Variants in KIAA1328 observed in about 807,000 individuals in gnomAD.
KIAA1328 encodes the protein KIAA1328.
Under a neutral mutation model 68.1 loss-of-function variants are expected in KIAA1328, and 52 were observed. The ratio of observed to expected loss-of-function variants is 0.76; its 90% CI spans 0.61 to 0.96. The LOEUF (loss-of-function observed/expected upper bound fraction) is 0.96, where lower values mean the gene tolerates loss of function less well. Among genes scored for constraint, KIAA1328 ranks in the 40% least tolerant of loss-of-function variants. The pLI is 0.00. For missense variants in KIAA1328, 641 were observed against 677.6 expected, an observed-to-expected ratio of 0.95 and a Z score of 0.60; for synonymous variants, 232 against 239.4, an observed-to-expected ratio of 0.97 and a Z score of 0.28.
At chr18:36,931,839 T>TA (rs201256754) in intron 5 of KIAA1328, among the ~76,000 whole-genome samples, 24,540 of 151,832 alleles carry the variant, frequency 0.16, 2,246 homozygotes, top group African/African-American at 0.22. Context: ...TTCATTTTTT[T>TA]AATTTTTAGT....
intron 7 of KIAA1328, among the ~76,000 whole-genome samples, chr18:37,079,468 C>T (rs1471654565): frequency 6.7e-6 from 1 of 148,684 alleles, no homozygotes; most frequent in African/African-American, 2.5e-5. Context: ...TACCCTAAAA[C>T]TTAAAGTATA....
chr18:37,205,363 C>A lies in KIAA1328; in HGVS notation c.1524-16654C>A, dbSNP rs185215018. ...GAAGAGTAAAGTCTGCTCCTAGATT[C>A]TCTGGGGCTGTCTCTAAGCTAATAA... is the stretch of plus-strand genomic sequence containing the variant. On this transcript the variant is annotated intron_variant, in intron 9 of 9. Coordinates refer to ENST00000280020, the MANE Select transcript of KIAA1328 (RefSeq NM_020776.3). Among the ~76,000 whole-genome samples the A allele has an allele frequency of 7.2e-5, 11 of 152,284 alleles. No homozygotes were observed. The East Asian group carries it at 1.2e-3, about 16-fold the overall frequency.
rs1328235137 is a variant in KIAA1328 at position 37,225,098 on chromosome 18, T to C, written c.*2871T>C. On this transcript the variant is annotated 3_prime_UTR_variant, in exon 10 of 10. Transcript: ENST00000280020. ...TGCTCCCTCAGAGCTACTCTTCACT[T>C]GTCCCTGCTTCCGGCACCAAGTTCA... 3.0e-6 allele frequency: 3 copies of C among 985,382 alleles called. No homozygotes were observed. In the East Asian group the frequency reaches 3.4e-4, roughly 112 times the overall value. The allele number at this position is 985,382 out of a possible 1,614,324, so 61.0% of individuals were successfully genotyped here.
At chr18:36,881,533 C>T (rs11664211) in intron 4 of KIAA1328, among the ~76,000 whole-genome samples, 20,721 of 151,900 alleles carry the variant, frequency 0.14, 1,757 homozygotes, top group Admixed American at 0.18. Context: ...AGTTGTGTAC[C>T]CATCACCCCA....
intron 6 of KIAA1328, among the ~76,000 whole-genome samples, chr18:37,014,416 C>G (rs2054079970): frequency 6.6e-6 from 1 of 152,082 alleles, no homozygotes; most frequent in Non-Finnish European, 1.5e-5. Context: ...TTCCCAAGGC[C>G]CATGTCCCAA....
intron 6 of KIAA1328, among the ~76,000 whole-genome samples, chr18:37,004,342 A>G (rs542918160): frequency 3.5e-4 from 53 of 151,492 alleles, no homozygotes; most frequent in Admixed American, 1.1e-3. Flanking sequence ...TTTTCGCTAT[A>G]TAACAATCTA....
chr18:36,986,069 A>G (rs991814611), intron 6 of KIAA1328, among the ~76,000 whole-genome samples: 27 of 152,322 alleles, frequency 1.8e-4, no homozygotes, highest in African/African-American at 6.5e-4. Context: ...AGAAAGTGCA[A>G]AATATACACC....
chr18:37,073,351 C>T (rs1344786895), intron 7 of KIAA1328, among the ~76,000 whole-genome samples: 1 of 152,042 alleles, frequency 6.6e-6, no homozygotes, highest in Non-Finnish European at 1.5e-5. Context: ...GTGGGCAAAG[C>T]ATATGAACAG....
intron 9 of KIAA1328, among the ~76,000 whole-genome samples, chr18:37,216,970 T>G (rs573440797): frequency 7.4e-6 from 1 of 134,978 alleles, no homozygotes; most frequent in Non-Finnish European, 1.6e-5. Flanking sequence ...CAACCCCTGC[T>G]TTTTTTTTGT....
intron 5 of KIAA1328, among the ~76,000 whole-genome samples, chr18:36,921,949 CAG>C (rs1164743826): frequency 1.3e-5 from 2 of 151,166 alleles, no homozygotes; most frequent in Non-Finnish European, 1.5e-5. Context: ...TTTTTTGAGA[CAG>C]AGTCTCGCTC....
chr18:36,996,846 C>T (rs2053411308), intron 6 of KIAA1328, among the ~76,000 whole-genome samples: 1 of 152,132 alleles, frequency 6.6e-6, no homozygotes, highest in Admixed American at 6.5e-5. Context: ...CTGAAGTTAG[C>T]ATGTATTATC....
intron 9 of KIAA1328, among the ~76,000 whole-genome samples, chr18:37,185,447 A>G (rs937774335): frequency 1.3e-5 from 2 of 152,170 alleles, no homozygotes; most frequent in Admixed American, 6.5e-5. Context: ...TGAAGTTCAA[A>G]TTGAGGTTTC....
At chr18:37,028,897 T>G (rs964720143) in intron 6 of KIAA1328, among the ~76,000 whole-genome samples, 2 of 152,188 alleles carry the variant, frequency 1.3e-5, no homozygotes, top group Non-Finnish European at 2.9e-5. Context: ...ATTAGCTTTT[T>G]GAGGTGCTGC....
chr18:37,105,776 G>T (rs963879306), intron 7 of KIAA1328, among the ~76,000 whole-genome samples: 2 of 151,118 alleles, frequency 1.3e-5, no homozygotes, highest in African/African-American at 4.9e-5. Flanking sequence ...AATTAACTTG[G>T]CTTGGTGGCA....
At chr18:37,166,266 G>C (rs539364998) in intron 8 of KIAA1328, among the ~76,000 whole-genome samples, 1 of 152,248 alleles carries the variant, frequency 6.6e-6, no homozygotes, top group South Asian at 2.1e-4. Context: ...TCTTAGCCAG[G>C]AGAAAGGCTA....
At chr18:37,227,489 G>C (rs991448564), downstream of KIAA1328, among the ~76,000 whole-genome samples, 1 of 152,180 alleles carries the variant, frequency 6.6e-6, no homozygotes, top group Non-Finnish European at 1.5e-5. Context: ...TTAAGTTAAA[G>C]CCAATGCCCA....
At chr18:37,076,214 A>C (rs1259805923) in intron 7 of KIAA1328, among the ~76,000 whole-genome samples, 1 of 152,200 alleles carries the variant, frequency 6.6e-6, no homozygotes, top group African/African-American at 2.4e-5. Flanking sequence ...GAAACTGAAC[A>C]ACCTGCTCCT....
chr18:37,198,263 T>C (rs2060040539), intron 9 of KIAA1328, among the ~76,000 whole-genome samples: 1 of 152,198 alleles, frequency 6.6e-6, no homozygotes, highest in African/African-American at 2.4e-5. Flanking sequence ...ATTATGGTGA[T>C]AGTTGCACAA....
intron 9 of KIAA1328, among the ~76,000 whole-genome samples, chr18:37,218,483 G>A (rs2060491171): frequency 6.6e-6 from 1 of 152,172 alleles, no homozygotes; most frequent in South Asian, 2.1e-4. Flanking sequence ...AACATGGCTG[G>A]CAATTAAGGA....
Sources: gnomAD v4.1 joint callset for allele counts (sites outside exome capture counted in the v4.1 genomes callset) on GRCh38, gnomAD v4.1.1 for gene constraint, MANE v1.5 for transcripts, NCBI Gene and HGNC (gene_info 2026-07-23, HGNC 2026-07-21) for gene names.